The following TTC1 variants were observed in gnomAD, a reference collection of about 807,000 sequenced individuals.
TTC1 encodes the protein tetratricopeptide repeat protein 1.
A neutral mutation model predicts 37.6 loss-of-function variants in TTC1; 31 were observed. The observed-to-expected ratio is 0.82, with a 90% CI of 0.62 to 1.11. The LOEUF is 1.11. Among genes scored for constraint, TTC1 ranks in the 50% most tolerant of loss-of-function variants. TTC1 has a pLI of 0.00. For missense variants in TTC1, 351 were observed against 339.0 expected, an observed-to-expected ratio of 1.04 and a Z score of -0.28; for synonymous variants, 127 against 122.4, an observed-to-expected ratio of 1.04 and a Z score of -0.25.
At chr5:160,023,482 A>G (rs1369096004) in intron 2 of TTC1, among the ~76,000 whole-genome samples, 1 of 152,044 alleles carries the variant, frequency 6.6e-6, no homozygotes, top group Non-Finnish European at 1.5e-5. Flanking sequence ...TAGGAGAGAC[A>G]CGGTCTTGCT....
chr5:160,023,487 CTTGCTGTG>C (rs1756748863), intron 2 of TTC1, among the ~76,000 whole-genome samples: 1 of 151,868 alleles, frequency 6.6e-6, no homozygotes, highest in African/African-American at 2.4e-5. Flanking sequence ...GAGACACGGT[CTTGCTGTG>C]TTGCCCAGGC....
At chr5:160,017,214 C>A (rs766121082) in intron 2 of TTC1, among the ~76,000 whole-genome samples, 1 of 152,148 alleles carries the variant, frequency 6.6e-6, no homozygotes, top group Admixed American at 6.5e-5. Context: ...TACAAAAATT[C>A]TATCTTAGTG....
chr5:160,028,178 A>G (rs2113359772), intron 2 of TTC1, among the ~76,000 whole-genome samples: 1 of 152,000 alleles, frequency 6.6e-6, no homozygotes, highest in South Asian at 2.1e-4. Flanking sequence ...AGTTGCCTGT[A>G]GTCCCAGCTA....
At chr5:160,056,165 A>C (rs977831862) in intron 7 of TTC1, among the ~76,000 whole-genome samples, 1 of 152,212 alleles carries the variant, frequency 6.6e-6, no homozygotes, top group African/African-American at 2.4e-5. Flanking sequence ...CCCTCAAAGA[A>C]ACCATAACAC....
chr5:160,051,237 G>A (rs756193622), intron 7 of TTC1, 54 bp downstream of exon 7: 9 of 1,464,082 alleles, frequency 6.1e-6, no homozygotes, highest in South Asian at 1.2e-5. Flanking sequence ...CCTAGGGTGG[G>A]GACATAGCGA....
At chr5:160,062,094 C>T (rs1454049358) in intron 7 of TTC1, 1 of 152,252 alleles carries the variant, frequency 6.6e-6, no homozygotes, top group Non-Finnish European at 1.5e-5. Context: ...ACTCTGTCCC[C>T]TGCATTTGGA....
chr5:160,014,825 A>C (rs1756573311), intron 2 of TTC1, among the ~76,000 whole-genome samples: 2 of 152,244 alleles, frequency 1.3e-5, no homozygotes, highest in Admixed American at 1.3e-4. Context: ...TTAGAAATAT[A>C]CACAAATGTA....
intron 2 of TTC1, among the ~76,000 whole-genome samples, chr5:160,015,510 A>G (rs1756584684): frequency 6.6e-6 from 1 of 152,150 alleles, no homozygotes; most frequent in Non-Finnish European, 1.5e-5. Context: ...CCTGGCCTAT[A>G]AAAACTCTTG....
intron 4 of TTC1, among the ~76,000 whole-genome samples, chr5:160,041,875 CTA>C (rs1293591310): frequency 6.6e-6 from 1 of 152,170 alleles, no homozygotes; most frequent in Non-Finnish European, 1.5e-5. Context: ...GCCAACACCA[CTA>C]TCTAGTTCCA....
At chr5:160,037,571 C>A (rs1005188422) in intron 4 of TTC1, among the ~76,000 whole-genome samples, 8 of 152,232 alleles carry the variant, frequency 5.3e-5, no homozygotes, top group Admixed American at 4.6e-4. Flanking sequence ...CAAAAATTAG[C>A]CAGGCATGGT....
intron 7 of TTC1, among the ~76,000 whole-genome samples, chr5:160,059,743 G>A (rs563684317): frequency 6.6e-6 from 1 of 152,246 alleles, no homozygotes. Context: ...GCAGTTCATG[G>A]CACCCCAAAA....
chr5:160,056,582 G>A (rs1016048337), intron 7 of TTC1, among the ~76,000 whole-genome samples: 1 of 152,088 alleles, frequency 6.6e-6, no homozygotes, highest in African/African-American at 2.4e-5. Context: ...AAATTAGCCC[G>A]GCATGTGGCA....
intron 5 of TTC1, among the ~76,000 whole-genome samples, chr5:160,044,056 C>CATA (rs1159068276): frequency 3.3e-5 from 5 of 152,132 alleles, no homozygotes; most frequent in African/African-American, 1.2e-4. Context: ...GAAGAATGTA[C>CATA]ATAATCACTT....
At chr5:160,013,302 T>C (rs1381147994) in intron 2 of TTC1, among the ~76,000 whole-genome samples, 1 of 152,196 alleles carries the variant, frequency 6.6e-6, no homozygotes, top group Non-Finnish European at 1.5e-5. Context: ...AAGAAATGTC[T>C]TCTACATATA....
chr5:160,046,442 C>T (rs1179646881), intron 5 of TTC1, among the ~76,000 whole-genome samples: 1 of 152,060 alleles, frequency 6.6e-6, no homozygotes, highest in Non-Finnish European at 1.5e-5. Context: ...TCAACTTCAA[C>T]ATTTTGGAAG....
chr5:160,034,056 T>C (rs1756962370), intron 2 of TTC1, among the ~76,000 whole-genome samples: 1 of 151,882 alleles, frequency 6.6e-6, no homozygotes, highest in African/African-American at 2.4e-5. Flanking sequence ...TTCAAGGTTA[T>C]AGTGTGTGTT....
chr5:160,030,613 C>G (rs1292408743), intron 2 of TTC1, among the ~76,000 whole-genome samples: 1 of 152,182 alleles, frequency 6.6e-6, no homozygotes, highest in East Asian at 1.9e-4. Flanking sequence ...TTGAAATAAA[C>G]TCCGTTCATC....
chr5:160,053,006 G>A (rs1468362894), intron 7 of TTC1, among the ~76,000 whole-genome samples: 1 of 152,084 alleles, frequency 6.6e-6, no homozygotes. Flanking sequence ...TCATGAATAA[G>A]ATACTGCTCT....
At position 160,064,954 on chromosome 5, in the gene TTC1, C is replaced by T; in HGVS notation, c.768C>T (p.Asn256=). The change falls in exon 8 of 8, where the codon AAC becomes AAT. Residue 256 remains asparagine (N), a synonymous_variant. Coordinates refer to ENST00000231238, the MANE Select transcript of TTC1 (RefSeq NM_003314.3). ...CAGGTAAATTAAAAGATCTTGGGAA[C>T]TTGGTTCTCCGACCTTTTGGGCTCT... The part of the protein sequence containing the change: ...EMLGKLKDLG[N]LVLRPFGLST... 6.2e-7 allele frequency: 1 copy of T among 1,613,370 alleles called. No homozygotes were observed. Among genetic ancestry groups the T allele is most frequent in the Non-Finnish European group, 8.5e-7 (1 of 1,179,894 alleles).
Sources: gnomAD v4.1 joint callset for allele counts (sites outside exome capture counted in the v4.1 genomes callset) on GRCh38, gnomAD v4.1.1 for gene constraint, MANE v1.5 for transcripts, NCBI Gene and HGNC (gene_info 2026-07-23, HGNC 2026-07-21) for gene names.